ROR2: variants seen among roughly 807,000 people sequenced by gnomAD.
ROR2 encodes the protein ROR family WNT receptor 2, also known as tyrosine-protein kinase transmembrane receptor ROR2.
A neutral mutation model predicts 74.9 loss-of-function variants in ROR2; 33 were observed. The ratio of observed to expected loss-of-function variants is 0.44; its 90% confidence interval spans 0.33 to 0.59. The LOEUF (loss-of-function observed/expected upper bound fraction) is 0.59, where lower values mean the gene tolerates loss of function less well. ROR2 is among the 20% of genes least tolerant of loss of function. ROR2 has a pLI of 0.02. For missense variants in ROR2, 1,216 were observed against 1,313.8 expected, an observed-to-expected ratio of 0.93 and a Z score of 1.15; for synonymous variants, 586 against 558.7, an observed-to-expected ratio of 1.05 and a Z score of -0.69.
At chr9:91,892,590 C>CTTTTTTTTTTTTTTTT (rs547073635) in intron 1 of ROR2, among the ~76,000 whole-genome samples, 29 of 105,428 alleles carry the variant, frequency 2.8e-4, no homozygotes, top group Non-Finnish European at 4.6e-4. Context: ...CTTTTCTTTT[C>CTTTTTTTTTTTTTTTT]TTTTTTTTTT....
chr9:91,730,787 G>C lies in ROR2; in HGVS notation c.1183+123C>G, dbSNP rs114544281. ...TTATTTAAAATGGTCACTGTGGTAA[G>C]ATCAGGGGTCTCTGGTCGCCACCGT... On this transcript the variant is annotated intron_variant, in intron 7 of 8. Coordinates refer to ENST00000375708, the MANE Select transcript of ROR2 (RefSeq NM_004560.4). 2,191 of 1,299,256 alleles carry C rather than the reference G, an allele frequency of 1.7e-3. 31 individuals carry two copies. The African/African-American group carries it at 0.028, about 17-fold the overall frequency. The allele number at this position is 1,299,256 out of a possible 1,614,324, so 80.5% of individuals were successfully genotyped here.
chr9:91,768,978 C>A (rs1322507538), intron 2 of ROR2, among the ~76,000 whole-genome samples: 1 of 152,214 alleles, frequency 6.6e-6, no homozygotes, highest in Non-Finnish European at 1.5e-5. Flanking sequence ...CGCTCACAAC[C>A]TGGACATCTC....
At chr9:91,839,279 T>TAA (rs1161371079) in intron 1 of ROR2, among the ~76,000 whole-genome samples, 1 of 136,494 alleles carries the variant, frequency 7.3e-6, no homozygotes, top group African/African-American at 3.3e-5. Context: ...TGTGTGTGTG[T>TAA]GTGTGTGTGT....
At chr9:91,900,486 C>A (rs1368550565) in intron 1 of ROR2, among the ~76,000 whole-genome samples, 1 of 152,216 alleles carries the variant, frequency 6.6e-6, no homozygotes, top group Non-Finnish European at 1.5e-5. Context: ...ACGAGGGCGC[C>A]GGGCCTGCAC....
chr9:91,784,260 G>T (rs978170203), intron 1 of ROR2, among the ~76,000 whole-genome samples: 1 of 152,108 alleles, frequency 6.6e-6, no homozygotes, highest in Non-Finnish European at 1.5e-5. Flanking sequence ...AATCCATCAC[G>T]AAATGCTGTT....
At chr9:91,732,865 C>T (rs1837293019) in intron 6 of ROR2, among the ~76,000 whole-genome samples, 1 of 152,256 alleles carries the variant, frequency 6.6e-6, no homozygotes, top group Admixed American at 6.5e-5. Context: ...GGGACTTCAC[C>T]TGAGTCCCAC....
chr9:91,914,221 C>T (rs1831066685), intron 1 of ROR2, among the ~76,000 whole-genome samples: 1 of 152,134 alleles, frequency 6.6e-6, no homozygotes, highest in Non-Finnish European at 1.5e-5. Context: ...ACGGGGCCAT[C>T]CTATCACTTG....
chr9:91,916,238 C>G (rs1831130762), intron 1 of ROR2, among the ~76,000 whole-genome samples: 1 of 152,184 alleles, frequency 6.6e-6, no homozygotes, highest in Admixed American at 6.5e-5. Context: ...TGTGTTCTTG[C>G]TAGGAGCCAA....
chr9:91,799,369 T>G (rs1310615355), intron 1 of ROR2, among the ~76,000 whole-genome samples: 1 of 152,174 alleles, frequency 6.6e-6, no homozygotes, highest in African/African-American at 2.4e-5. Flanking sequence ...CCGTCCCAAG[T>G]GTGGACAGTG....
chr9:91,939,213 G>A (rs985069481), intron 1 of ROR2, among the ~76,000 whole-genome samples: 4 of 151,884 alleles, frequency 2.6e-5, no homozygotes, highest in African/African-American at 9.7e-5. Flanking sequence ...TTGCGCCACT[G>A]CACTCCAGCC....
Position 91,728,575 on chromosome 9 carries a change from C to A in ROR2, c.1184-1832G>T, listed in dbSNP as rs537437228. On this transcript the variant is annotated intron_variant, in intron 7 of 8. Transcript: ENST00000375708. ...CCTCCCGACTAGCTGGGATTACAGG[C>A]GCCCGCCACCATGCCTGGCTAATTT... Among the ~76,000 whole-genome samples the A allele has an allele frequency of 3.3e-5, 5 of 152,156 alleles. No individual in the cohort carries two copies. The East Asian group carries it at 9.7e-4, about 29-fold the overall frequency.
rs776885966 is a variant in ROR2 at position 91,733,212 on chromosome 9, G to T, written c.847C>A (p.Leu283Met). 5 of 1,611,854 alleles carry T rather than the reference G, an allele frequency of 3.1e-6. No homozygotes were observed. The highest frequency in any genetic ancestry group is 1.6e-4 in the Middle Eastern group (1 of 6,084). The stretch of plus-strand genomic sequence containing the variant: ...ATGGGCAGCGCCTCACACTTGGGCA[G>T]CTGAAGCCGCATGAGGATGAGCGGG... ...SNPLILMRLQLPKCEALPMPE... is the reference protein window; with the variant it reads ...SNPLILMRLQMPKCEALPMPE... The change falls in exon 6 of 9, where the codon CTG becomes ATG. Residue 283 changes from leucine (L) to methionine (M), a missense_variant. Coordinates refer to ENST00000375708, the MANE Select transcript of ROR2 (RefSeq NM_004560.4). The surrounding 1 kb of genome is among the most constrained non-coding windows in gnomAD (Gnocchi z 5.7).
intron 1 of ROR2, among the ~76,000 whole-genome samples, chr9:91,808,097 G>A (rs1195523006): frequency 2.7e-5 from 4 of 148,420 alleles, no homozygotes; most frequent in African/African-American, 5.2e-5. Flanking sequence ...AACACTAAGC[G>A]GAATGCTTTA....
At chr9:91,900,305 GGGCAGAC>G (rs371917693) in intron 1 of ROR2, among the ~76,000 whole-genome samples, 116 of 152,328 alleles carry the variant, frequency 7.6e-4, no homozygotes, top group African/African-American at 2.3e-3. Context: ...GCTGCAGGAA[GGGCAGAC>G]GGCAGACGCA....
intron 1 of ROR2, among the ~76,000 whole-genome samples, chr9:91,839,389 G>A (rs1357880755): frequency 6.6e-6 from 1 of 151,186 alleles, no homozygotes; most frequent in African/African-American, 2.4e-5. Context: ...GTATGTATGT[G>A]GTGTGTGTTG....
At chr9:91,884,858 G>A (rs2119376867) in intron 1 of ROR2, among the ~76,000 whole-genome samples, 1 of 152,084 alleles carries the variant, frequency 6.6e-6, no homozygotes, top group South Asian at 2.1e-4. Context: ...ACGCTTTGAG[G>A]CCAATTTTTA....
At chr9:91,837,484 A>G (rs556937966) in intron 1 of ROR2, among the ~76,000 whole-genome samples, 2 of 152,392 alleles carry the variant, frequency 1.3e-5, no homozygotes, top group African/African-American at 4.8e-5. Context: ...GCTGAAACTT[A>G]GCTGTTTAAG....
chr9:91,752,764 T>C (rs946246452), intron 4 of ROR2, among the ~76,000 whole-genome samples: 5 of 152,228 alleles, frequency 3.3e-5, no homozygotes, highest in African/African-American at 7.2e-5. Context: ...CATAAACAGA[T>C]ACTGAACTCT....
intron 1 of ROR2, among the ~76,000 whole-genome samples, chr9:91,925,652 G>A (rs1831378497): frequency 6.6e-6 from 1 of 152,144 alleles, no homozygotes; most frequent in Admixed American, 6.5e-5. Flanking sequence ...TTCTTGGATG[G>A]CAGAAAACCA....
Sources: allele counts gnomAD v4.1 joint callset (sites outside exome capture counted in the v4.1 genomes callset), GRCh38; gene constraint gnomAD v4.1.1; non-coding constraint Gnocchi (gnomAD v3.1); transcripts MANE v1.5; gene names NCBI Gene and HGNC (gene_info 2026-07-23, HGNC 2026-07-21).